GNB5: variants seen among roughly 807,000 people sequenced by gnomAD.
GNB5 encodes guanine nucleotide-binding protein subunit beta-5.
A neutral mutation model predicts 55.3 loss-of-function variants in GNB5; 37 were observed. That is an observed-to-expected ratio of 0.67 (90% CI 0.51 to 0.88). The LOEUF is 0.88. Among genes scored for constraint, GNB5 ranks in the 40% least tolerant of loss-of-function variants. The pLI, the probability that GNB5 is intolerant of heterozygous loss-of-function variation, is 0.00. For synonymous variants in GNB5, 219 were observed against 198.5 expected (o/e 1.10, Z -0.87); for missense variants, 476 against 515.3 (o/e 0.92, Z 0.74).
At chr15:52,186,868 C>T (rs1360808881) in intron 1 of GNB5, among the ~76,000 whole-genome samples, 2 of 152,100 alleles carry the variant, frequency 1.3e-5, no homozygotes, top group East Asian at 3.9e-4. Context: ...GGGCAGTCAG[C>T]ACAGTTCGAG....
Position 52,124,288 on chromosome 15 carries a change from A to G in GNB5, c.1176+185T>C, listed in dbSNP as rs577649191. ...TGTGCGAGAATACCTGCACTGATGC[A>G]GCACTCGCTACCTCTCCAGGCAACC... On this transcript the variant is annotated intron_variant, in intron 12 of 12. Transcript: ENST00000261837. 1.4e-4 allele frequency among the ~76,000 whole-genome samples: 21 copies of G among 152,372 alleles called. No individual in the cohort carries two copies. In the South Asian group the frequency reaches 2.3e-3, roughly 17 times the overall value.
At position 52,149,945 on chromosome 15, in the gene GNB5, C is replaced by T. The variant is rs2034057039; in HGVS notation, c.376-20G>A. ...CCCATCCTGGAGGGAGAAGAGCAAA[C>T]AGTTTAGGGGTTGTCAAGTTCTTAC... On this transcript the variant is annotated intron_variant, in intron 4 of 12. Coordinates refer to ENST00000261837, the MANE Select transcript of GNB5 (RefSeq NM_016194.4). 1.3e-6 allele frequency: 2 copies of T among 1,594,908 alleles called. No homozygotes were observed. The highest frequency in any genetic ancestry group is 1.7e-6 in the Non-Finnish European group (2 of 1,162,740).
intron 3 of GNB5, among the ~76,000 whole-genome samples, chr15:52,158,698 A>T (rs1359489121): frequency 6.7e-6 from 1 of 148,610 alleles, no homozygotes; most frequent in Non-Finnish European, 1.5e-5. Context: ...TCCTGGCCCT[A>T]TCCTGTTCCC....
At chr15:52,179,958 G>A (rs1249077360) in intron 2 of GNB5, 79 bp from the exon 3 acceptor site, 8 of 1,414,946 alleles carry the variant, frequency 5.7e-6, no homozygotes, top group Non-Finnish European at 6.5e-6. Context: ...TCCAGCAGCC[G>A]TCCCCGGCCC....
At chr15:52,138,049 C>T (rs2033766492) in intron 7 of GNB5, 1 of 871,926 alleles carries the variant, frequency 1.1e-6, no homozygotes, top group South Asian at 1.4e-5. Flanking sequence ...GATCTCTCCT[C>T]CTCACCCTTT....
intron 6 of GNB5, among the ~76,000 whole-genome samples, chr15:52,141,662 G>A (rs2033857401): frequency 6.6e-6 from 1 of 151,834 alleles, no homozygotes; most frequent in African/African-American, 2.4e-5. Flanking sequence ...TAGATTCACA[G>A]ACTTAACATT....
At chr15:52,135,841 G>T (rs778371866) in intron 7 of GNB5, 85 bp from the exon 8 acceptor site, 118 of 1,182,016 alleles carry the variant, frequency 1.0e-4, no homozygotes, top group Non-Finnish European at 1.4e-4. Flanking sequence ...ACGTTCCGCA[G>T]GGAAAAGCAG....
chr15:52,148,911 C>T (rs754025895), intron 5 of GNB5, among the ~76,000 whole-genome samples: 1 of 152,212 alleles, frequency 6.6e-6, no homozygotes, highest in Non-Finnish European at 1.5e-5. Context: ...GTGGCACCCT[C>T]GGCTCCCCAG....
intron 3 of GNB5, among the ~76,000 whole-genome samples, chr15:52,175,531 G>C (rs1342507104): frequency 1.3e-5 from 2 of 152,090 alleles, no homozygotes; most frequent in Non-Finnish European, 2.9e-5. Flanking sequence ...CTGAGGTCAG[G>C]AGTTCAAGAA....
chr15:52,172,579 A>C (rs1439032138), intron 3 of GNB5, among the ~76,000 whole-genome samples: 1 of 152,022 alleles, frequency 6.6e-6, no homozygotes, highest in African/African-American at 2.4e-5. Context: ...CAGGAGATCA[A>C]GACCAGCCTG....
intron 2 of GNB5, among the ~76,000 whole-genome samples, chr15:52,184,087 G>A (rs1166240812): frequency 1.3e-5 from 2 of 152,166 alleles, no homozygotes; most frequent in African/African-American, 4.8e-5. Flanking sequence ...CTGTTTATTT[G>A]CCAGCTTCTC....
chr15:52,135,852 A>AC (rs2033690786), intron 7 of GNB5, 96 bp from the exon 8 acceptor site: 2 of 552,422 alleles, frequency 3.6e-6, no homozygotes, highest in Non-Finnish European at 6.0e-6. Context: ...GGAAAAGCAG[A>AC]ACACACACAC....
intron 11 of GNB5, 200 bp from the exon 12 acceptor site, chr15:52,124,839 CA>C: frequency 1.8e-6 from 1 of 547,962 alleles, no homozygotes; most frequent in South Asian, 2.3e-5. Context: ...AGGAACAGAT[CA>C]CTGTAGCATC....
chr15:52,137,433 G>A (rs1566936174), intron 7 of GNB5: 5 of 1,020,410 alleles, frequency 4.9e-6, no homozygotes, highest in African/African-American at 1.7e-5. Flanking sequence ...CTAAATGAAA[G>A]GTGAGCCCGT....
chr15:52,142,240 T>C (rs147006432), intron 6 of GNB5, among the ~76,000 whole-genome samples: 13 of 152,336 alleles, frequency 8.5e-5, no homozygotes, highest in African/African-American at 3.1e-4. Context: ...AATTTGTTTG[T>C]AATCAGTAAT....
chr15:52,162,175 T>C (rs1242989022), intron 3 of GNB5, among the ~76,000 whole-genome samples: 2 of 152,076 alleles, frequency 1.3e-5, no homozygotes, highest in Admixed American at 6.6e-5. Context: ...TGAATGCATA[T>C]CTCCTCGGAG....
intron 6 of GNB5, among the ~76,000 whole-genome samples, chr15:52,144,807 T>G (rs1253893703): frequency 1.3e-5 from 2 of 152,152 alleles, no homozygotes; most frequent in African/African-American, 4.8e-5. Context: ...CTTCCCCAGC[T>G]GGCAATACTC....
At chr15:52,127,456 A>G (rs1261936474) in intron 10 of GNB5, among the ~76,000 whole-genome samples, 5 of 152,088 alleles carry the variant, frequency 3.3e-5, no homozygotes, top group Non-Finnish European at 5.9e-5. Context: ...ATGTGGCAAG[A>G]ATTTTTCCAT....
intron 3 of GNB5, among the ~76,000 whole-genome samples, chr15:52,155,965 A>G (rs1229468880): frequency 6.6e-5 from 10 of 152,180 alleles, no homozygotes; most frequent in Non-Finnish European, 1.3e-4. Flanking sequence ...CCTTATTTTA[A>G]TTCCACTAAT....
Sources: gnomAD v4.1 joint callset for allele counts (sites outside exome capture counted in the v4.1 genomes callset) on GRCh38, gnomAD v4.1.1 for gene constraint, MANE v1.5 for transcripts, NCBI Gene and HGNC (gene_info 2026-07-23, HGNC 2026-07-21) for gene names.